Variants in GRM7 observed in about 807,000 individuals in gnomAD.
GRM7 encodes the protein metabotropic glutamate receptor 7.
In GRM7, 35 loss-of-function variants were observed where a neutral mutation model predicts 84.5. That is an observed-to-expected ratio of 0.41 (90% CI 0.32 to 0.55). The LOEUF (loss-of-function observed/expected upper bound fraction) is 0.55, where lower values mean the gene tolerates loss of function less well. Among genes scored for constraint, GRM7 ranks in the 20% least tolerant of loss-of-function variants. The pLI is 0.19. For synonymous variants in GRM7, 487 were observed against 455.1 expected, an observed-to-expected ratio of 1.07 and a Z score of -0.89; for missense variants, 1,003 against 1,194.6, an observed-to-expected ratio of 0.84 and a Z score of 2.36.
intron 2 of GRM7, among the ~76,000 whole-genome samples, chr3:7,196,936 A>G (rs560519375): frequency 3.9e-5 from 6 of 152,184 alleles, no homozygotes; most frequent in Admixed American, 1.3e-4. Context: ...GAAGCTCATG[A>G]TCATTGAAAA....
At chr3:7,711,544 C>T (rs1476341411) in intron 9 of GRM7, among the ~76,000 whole-genome samples, 2 of 152,144 alleles carry the variant, frequency 1.3e-5, no homozygotes, top group African/African-American at 2.4e-5. Flanking sequence ...CCATTGGAGT[C>T]TCGTAATCAA....
chr3:6,992,819 G>A (rs1448883103), intron 1 of GRM7, among the ~76,000 whole-genome samples: 3 of 152,180 alleles, frequency 2.0e-5, no homozygotes, highest in Non-Finnish European at 2.9e-5. Flanking sequence ...TTACTGCTAG[G>A]TCCCATTGGT....
At chr3:6,868,767 T>C (rs1695020105) in intron 1 of GRM7, among the ~76,000 whole-genome samples, 1 of 152,186 alleles carries the variant, frequency 6.6e-6, no homozygotes, top group Admixed American at 6.5e-5. Flanking sequence ...TCCTAATAAA[T>C]GCAACATTAA....
intron 4 of GRM7, among the ~76,000 whole-genome samples, chr3:7,341,691 T>C (rs192222333): frequency 2.0e-5 from 3 of 152,294 alleles, no homozygotes; most frequent in Admixed American, 6.5e-5. Flanking sequence ...AGAAGATACT[T>C]ATAGTTTGTC....
chr3:6,970,367 T>G (rs1209468220), intron 1 of GRM7, among the ~76,000 whole-genome samples: 2 of 152,222 alleles, frequency 1.3e-5, no homozygotes, highest in African/African-American at 4.8e-5. Context: ...ATTGATGTGT[T>G]TAAATGGTTC....
At chr3:7,332,701 C>G (rs1279013109) in intron 4 of GRM7, among the ~76,000 whole-genome samples, 1 of 152,118 alleles carries the variant, frequency 6.6e-6, no homozygotes, top group African/African-American at 2.4e-5. Context: ...CCAAGAACCA[C>G]GACAGGAACA....
At position 7,508,114 on chromosome 3, in the gene GRM7, A is replaced by G. The variant is rs768530999; in HGVS notation, c.1515+46392A>G. On this transcript the variant is annotated intron_variant, in intron 7 of 9. Transcript: ENST00000357716. ...CTCTGGTCTAGATAGTTTTCTTCAG[A>G]TACTTGCCAATTTTTTAGTGCTGGT... 5.3e-4 allele frequency among the ~76,000 whole-genome samples: 81 copies of G among 152,202 alleles called. 1 individual carries two copies. The highest frequency in any genetic ancestry group is 1.3e-4 in the Admixed American group (2 of 15,262).
intron 2 of GRM7, among the ~76,000 whole-genome samples, chr3:7,252,306 C>A (rs1337300602): frequency 1.3e-5 from 2 of 152,162 alleles, no homozygotes; most frequent in African/African-American, 4.8e-5. Flanking sequence ...ATTTTCCTGT[C>A]TGCCTGTTCC....
Position 6,958,038 on chromosome 3 carries a change from C to T in GRM7, c.519+96131C>T, listed in dbSNP as rs943184038. The stretch of plus-strand genomic sequence containing the variant: ...TGAGGTAAAATTTACATGTAATACA[C>T]GGCATACATGTACACACACTATTTC... On this transcript the variant is annotated intron_variant, in intron 1 of 9. Coordinates refer to ENST00000357716, the MANE Select transcript of GRM7 (RefSeq NM_000844.4). Among the ~76,000 whole-genome samples, 10 of 152,110 alleles carry T rather than the reference C, an allele frequency of 6.6e-5. No homozygotes were observed. In the East Asian group the frequency reaches 9.7e-4, roughly 15 times the overall value.
intron 2 of GRM7, among the ~76,000 whole-genome samples, chr3:7,193,497 T>C (rs17046969): frequency 6.6e-6 from 1 of 152,118 alleles, no homozygotes; most frequent in South Asian, 2.1e-4. Flanking sequence ...CCTCTGTTTC[T>C]TGTGAGAATC....
At chr3:7,579,760 T>G (rs1183681999) in intron 8 of GRM7, among the ~76,000 whole-genome samples, 1 of 152,214 alleles carries the variant, frequency 6.6e-6, no homozygotes, top group Non-Finnish European at 1.5e-5. Flanking sequence ...TGGTCATTAC[T>G]ATCACCAGTG....
At chr3:7,304,134 C>G (rs1360675260) in intron 3 of GRM7, among the ~76,000 whole-genome samples, 1 of 151,952 alleles carries the variant, frequency 6.6e-6, no homozygotes, top group Non-Finnish European at 1.5e-5. Context: ...AGTTGCAGAA[C>G]TCTTAACTTA....
At chr3:7,408,788 C>CA (rs1002441688) in intron 4 of GRM7, among the ~76,000 whole-genome samples, 1 of 152,158 alleles carries the variant, frequency 6.6e-6, no homozygotes, top group African/African-American at 2.4e-5. Context: ...TACAACCATG[C>CA]AAAATTCCCC....
At chr3:7,304,291 A>G (rs1448675104) in intron 3 of GRM7, among the ~76,000 whole-genome samples, 1 of 105,296 alleles carries the variant, frequency 9.5e-6, no homozygotes, top group Admixed American at 9.4e-5. Context: ...CCATTGCTCC[A>G]TCATCCATCA....
chr3:6,884,987 T>C (rs568708620), intron 1 of GRM7, among the ~76,000 whole-genome samples: 1 of 152,290 alleles, frequency 6.6e-6, no homozygotes, highest in Non-Finnish European at 1.5e-5. Flanking sequence ...ACTCTTCCAA[T>C]ACTCCACATA....
At chr3:7,205,664 A>C (rs1262251851) in intron 2 of GRM7, among the ~76,000 whole-genome samples, 1 of 152,226 alleles carries the variant, frequency 6.6e-6, no homozygotes, top group African/African-American at 2.4e-5. Context: ...TGTTCAGTAC[A>C]GTGTCTGGGT....
At chr3:7,343,531 G>A (rs917080308) in intron 4 of GRM7, among the ~76,000 whole-genome samples, 1 of 151,934 alleles carries the variant, frequency 6.6e-6, no homozygotes, top group South Asian at 2.1e-4. Flanking sequence ...ATATTTATTT[G>A]CATACTATGG....
chr3:7,478,104 T>C (rs1464631812), intron 7 of GRM7, among the ~76,000 whole-genome samples: 1 of 152,146 alleles, frequency 6.6e-6, no homozygotes, highest in Non-Finnish European at 1.5e-5. Flanking sequence ...TTGGCTGTCC[T>C]TGTTTCTCTG....
intron 8 of GRM7, among the ~76,000 whole-genome samples, chr3:7,654,685 G>C (rs1699101530): frequency 1.3e-5 from 2 of 152,108 alleles, no homozygotes; most frequent in Non-Finnish European, 2.9e-5. Context: ...GAAAAAATGA[G>C]AATCACCTGA....
Sources: gnomAD v4.1 joint callset for allele counts (sites outside exome capture counted in the v4.1 genomes callset) on GRCh38, gnomAD v4.1.1 for gene constraint, MANE v1.5 for transcripts, NCBI Gene and HGNC (gene_info 2026-07-23, HGNC 2026-07-21) for gene names.